The following PALD1 variants were observed in gnomAD, a reference collection of about 807,000 sequenced individuals.
The protein encoded by PALD1 is paladin.
PALD1 carries 57 observed loss-of-function variants against 96.0 expected under a neutral mutation model. The observed-to-expected ratio is 0.59, with a 90% CI of 0.48 to 0.74. The LOEUF is 0.74. Among genes scored for constraint, PALD1 ranks in the 30% least tolerant of loss-of-function variants. The pLI is 0.00. For synonymous variants in PALD1, 464 were observed against 473.6 expected (o/e 0.98, Z 0.26); for missense variants, 1,063 against 1,143.7 (o/e 0.93, Z 1.02).
intron 1 of PALD1, among the ~76,000 whole-genome samples, chr10:70,490,586 A>G (rs1846082590): frequency 6.6e-6 from 1 of 152,242 alleles, no homozygotes; most frequent in Admixed American, 6.5e-5. Flanking sequence ...CTATTAAAAA[A>G]ACAGGAAATA....
chr10:70,476,274 T>C (rs1193431725), upstream of PALD1, among the ~76,000 whole-genome samples: 2 of 152,220 alleles, frequency 1.3e-5, no homozygotes, highest in Non-Finnish European at 2.9e-5. Flanking sequence ...CGACTGATTC[T>C]TTCGTTCTGC....
intron 1 of PALD1, among the ~76,000 whole-genome samples, chr10:70,481,386 G>C (rs1197951186): frequency 5.9e-5 from 9 of 152,182 alleles, no homozygotes; most frequent in Non-Finnish European, 1.2e-4. Context: ...GGTGCTCTGT[G>C]GTGGAGCTTA....
At chr10:70,561,298 C>G (rs1434535106) in intron 18 of PALD1, among the ~76,000 whole-genome samples, 1 of 152,242 alleles carries the variant, frequency 6.6e-6, no homozygotes, top group Non-Finnish European at 1.5e-5. Context: ...TGCCTCTGAG[C>G]TCTTTAATTG....
At chr10:70,459,542 A>G in the PALD1 span, among the ~76,000 whole-genome samples, 6 of 152,210 alleles carry the variant, frequency 3.9e-5, no homozygotes, top group Admixed American at 2.0e-4. Context: ...GGCAGTGCCA[A>G]CCTGGCATGG....
Position 70,529,953 on chromosome 10 carries a change from G to A in PALD1, c.353G>A (p.Cys118Tyr). Residue 118 changes from cysteine (C) to tyrosine (Y), a missense_variant, in exon 4 of 20, where the codon TGT (cysteine) becomes TAT (tyrosine). Coordinates refer to ENST00000263563, the MANE Select transcript of PALD1 (RefSeq NM_014431.3). Reference protein sequence around the residue: ...KMDVLGTVGSCGAPNFRQVQG... With the variant: ...KMDVLGTVGSYGAPNFRQVQG... ...GATGTGCTGGGCACCGTGGGAAGCT[G>A]TGGGGCCCCCAACTTCCGGCAGGTG... 1 of 1,613,760 alleles carries A rather than the reference G, an allele frequency of 6.2e-7. No individual in the cohort carries two copies. Among genetic ancestry groups the A allele is most frequent in the Non-Finnish European group, 8.5e-7 (1 of 1,179,842 alleles).
intron 10 of PALD1, 39 bp from the exon 11 acceptor site, chr10:70,537,772 C>T: frequency 1.4e-6 from 2 of 1,398,546 alleles, no homozygotes; most frequent in Non-Finnish European, 2.0e-6. Flanking sequence ...ACAAGACTGC[C>T]TGAGGAGTCT....
At chr10:70,480,829 G>A (rs962275342) in intron 1 of PALD1, among the ~76,000 whole-genome samples, 2 of 152,216 alleles carry the variant, frequency 1.3e-5, no homozygotes, top group Non-Finnish European at 1.5e-5. Context: ...GGGCAGAGAC[G>A]TGAGTGCGTG....
At chr10:70,476,711 T>C (rs1845826315), upstream of PALD1, among the ~76,000 whole-genome samples, 1 of 152,120 alleles carries the variant, frequency 6.6e-6, no homozygotes, top group Admixed American at 6.6e-5. Flanking sequence ...CAAGAACACC[T>C]ACTGTGTGTG....
intron 4 of PALD1, 115 bp from the exon 5 acceptor site, chr10:70,531,175 G>A (rs951003118): frequency 2.5e-6 from 2 of 807,028 alleles, no homozygotes; most frequent in South Asian, 1.7e-5. Flanking sequence ...TGCAGGGATG[G>A]TGTGGGGTGC....
At chr10:70,499,345 C>T (rs1464207761) in intron 1 of PALD1, among the ~76,000 whole-genome samples, 2 of 152,222 alleles carry the variant, frequency 1.3e-5, no homozygotes, top group Non-Finnish European at 2.9e-5. Context: ...GTATGGGCCC[C>T]TCCTCCCAGC....
At chr10:70,544,109 C>T (rs1329881126) in intron 17 of PALD1, among the ~76,000 whole-genome samples, 5 of 152,118 alleles carry the variant, frequency 3.3e-5, no homozygotes, top group East Asian at 1.9e-4. Flanking sequence ...ATCAATAGAG[C>T]GTGAAGAGGC....
the PALD1 span, among the ~76,000 whole-genome samples, chr10:70,462,149 C>T: frequency 5.9e-5 from 9 of 152,194 alleles, no homozygotes; most frequent in Non-Finnish European, 8.8e-5. Flanking sequence ...CAACTCAAGC[C>T]AGAGACCTGA....
the PALD1 span, among the ~76,000 whole-genome samples, chr10:70,472,963 T>C: frequency 3.3e-5 from 5 of 152,284 alleles, no homozygotes; most frequent in East Asian, 7.7e-4. Flanking sequence ...TCAAGGTAGG[T>C]ATGACTATCC....
At chr10:70,523,795 G>T (rs1435792031) in intron 1 of PALD1, among the ~76,000 whole-genome samples, 1 of 152,080 alleles carries the variant, frequency 6.6e-6, no homozygotes, top group Non-Finnish European at 1.5e-5. Context: ...AGACTGGAGA[G>T]GGATGGGTGG....
At chr10:70,546,491 T>C (rs913090131) in intron 17 of PALD1, among the ~76,000 whole-genome samples, 1 of 152,208 alleles carries the variant, frequency 6.6e-6, no homozygotes, top group Non-Finnish European at 1.5e-5. Context: ...CACTCTGTGA[T>C]GTCTTTGGCT....
At chr10:70,526,498 A>C (rs149925822) in intron 2 of PALD1, among the ~76,000 whole-genome samples, 1 of 152,368 alleles carries the variant, frequency 6.6e-6, no homozygotes, top group East Asian at 1.9e-4. Context: ...TTTCACAGAC[A>C]GTAATTATGG....
chr10:70,518,466 G>A lies in PALD1; in HGVS notation c.-29-7457G>A, dbSNP rs1403303485. ...CTTTCACTGCTCGCCAGCAGTGTATGTGAGTTCCAGTTACTCATATCTTCC... is the reference window on the plus strand; with the variant it reads ...CTTTCACTGCTCGCCAGCAGTGTATATGAGTTCCAGTTACTCATATCTTCC... On this transcript the variant is annotated intron_variant, in intron 1 of 19. Coordinates refer to ENST00000263563, the MANE Select transcript of PALD1 (RefSeq NM_014431.3). 3.9e-5 allele frequency among the ~76,000 whole-genome samples: 6 copies of A among 152,176 alleles called. 1 individual carries two copies. The highest frequency in any genetic ancestry group is 2.0e-4 in the Admixed American group (3 of 15,270).
At chr10:70,482,266 G>A (rs1305220993) in intron 1 of PALD1, among the ~76,000 whole-genome samples, 7 of 152,202 alleles carry the variant, frequency 4.6e-5, no homozygotes, top group Non-Finnish European at 1.0e-4. Context: ...GAAATGGCAG[G>A]CTGGGCGGGC....
At chr10:70,471,599 A>C in the PALD1 span, among the ~76,000 whole-genome samples, 2 of 152,110 alleles carry the variant, frequency 1.3e-5, no homozygotes, top group African/African-American at 4.8e-5. Flanking sequence ...TTAGCCAATC[A>C]CCTCTCTACT....
Sources: gnomAD v4.1 joint callset for allele counts (sites outside exome capture counted in the v4.1 genomes callset) on GRCh38, gnomAD v4.1.1 for gene constraint, MANE v1.5 for transcripts, NCBI Gene and HGNC (gene_info 2026-07-23, HGNC 2026-07-21) for gene names.